Variants in DSCAM observed in about 807,000 individuals in gnomAD.
DSCAM encodes the protein cell adhesion molecule DSCAM.
A neutral mutation model predicts 217.7 loss-of-function variants in DSCAM; 47 were observed. The ratio of observed to expected loss-of-function variants is 0.22; its 90% CI spans 0.17 to 0.28. The LOEUF is 0.28. Ranked by LOEUF, DSCAM falls within the 10% of genes least tolerant of loss-of-function variation. The pLI is 1.00. For synonymous variants in DSCAM, 1,056 were observed against 1,015.3 expected (o/e 1.04, Z -0.76); for missense variants, 2,080 against 2,618.3 (o/e 0.79, Z 4.49).
chr21:40,765,487 T>G (rs575722892), intron 1 of DSCAM, among the ~76,000 whole-genome samples: 3 of 152,160 alleles, frequency 2.0e-5, no homozygotes, highest in African/African-American at 7.2e-5. Context: ...ATGACCACAG[T>G]GTGCAAGTGA....
chr21:40,647,209 C>T (rs2089958602), intron 3 of DSCAM, among the ~76,000 whole-genome samples: 1 of 152,202 alleles, frequency 6.6e-6, no homozygotes, highest in South Asian at 2.1e-4. Flanking sequence ...CTAATCATAG[C>T]TTACAAAGGC....
chr21:40,043,977 A>AGGAAGCAAGTAAGG, intron 31 of DSCAM, 101 bp downstream of exon 31: 2 of 1,183,176 alleles, frequency 1.7e-6, no homozygotes, highest in Non-Finnish European at 2.4e-6. Context: ...CATAAGTAAG[A>AGGAAGCAAGTAAGG]GGGAGGAAGC....
At chr21:40,383,967 T>G (rs2075054063) in intron 3 of DSCAM, 1 of 152,168 alleles carries the variant, frequency 6.6e-6, no homozygotes, top group Admixed American at 6.5e-5. Flanking sequence ...TTATACAGTG[T>G]TTCTTAGAGA....
intron 3 of DSCAM, among the ~76,000 whole-genome samples, chr21:40,527,396 G>C (rs148502140): frequency 7.0e-4 from 106 of 152,320 alleles, no homozygotes; most frequent in African/African-American, 2.5e-3. Context: ...CCAGCACTGA[G>C]TCTAAGCTTC....
At chr21:40,759,025 G>A (rs572460974) in intron 1 of DSCAM, among the ~76,000 whole-genome samples, 9 of 152,236 alleles carry the variant, frequency 5.9e-5, no homozygotes, top group South Asian at 2.1e-4. Flanking sequence ...ACAGGGATCC[G>A]GACTGCACAA....
At chr21:40,517,869 G>A (rs961645623) in intron 3 of DSCAM, among the ~76,000 whole-genome samples, 1 of 152,094 alleles carries the variant, frequency 6.6e-6, no homozygotes, top group African/African-American at 2.4e-5. Flanking sequence ...TGTTGCTGCT[G>A]CCTGTTCCTG....
chr21:40,160,197 A>G lies in DSCAM; in HGVS notation c.3018+7021T>C, dbSNP rs143066075. Among the ~76,000 whole-genome samples, 829 of 152,336 alleles carry G rather than the reference A, an allele frequency of 5.4e-3. 6 individuals are homozygous for G. The highest frequency in any genetic ancestry group is 0.013 in the South Asian group (61 of 4,822). ...CTACTTTCTTGGTTATGACATAATGAATAAAACACACAACTCAGAACTAGA... is the reference window on the plus strand; with the variant it reads ...CTACTTTCTTGGTTATGACATAATGGATAAAACACACAACTCAGAACTAGA... On this transcript the variant is annotated intron_variant, in intron 16 of 32. Coordinates refer to ENST00000400454, the MANE Select transcript of DSCAM (RefSeq NM_001389.5).
chr21:40,599,625 G>A (rs2077047499), intron 3 of DSCAM, among the ~76,000 whole-genome samples: 1 of 152,060 alleles, frequency 6.6e-6, no homozygotes, highest in Non-Finnish European at 1.5e-5. Context: ...AGAACTGAAG[G>A]AGATAGAGAC....
chr21:40,229,564 T>C (rs76139107), intron 11 of DSCAM, among the ~76,000 whole-genome samples: 2,119 of 152,322 alleles, frequency 0.014, 63 homozygotes, highest in African/African-American at 0.049. Flanking sequence ...CTGAACTCTA[T>C]TGTTTTGCCT....
intron 4 of DSCAM, among the ~76,000 whole-genome samples, chr21:40,365,710 T>C (rs960048985): frequency 6.6e-6 from 1 of 152,168 alleles, no homozygotes; most frequent in South Asian, 2.1e-4. Context: ...CTGTCCCTAC[T>C]GAAAAGGCAG....
intron 3 of DSCAM, among the ~76,000 whole-genome samples, chr21:40,682,432 C>T (rs1355931559): frequency 6.6e-6 from 1 of 150,722 alleles, no homozygotes; most frequent in African/African-American, 2.5e-5. Flanking sequence ...GGATACAAAC[C>T]AAAGGAGAGC....
intron 27 of DSCAM, among the ~76,000 whole-genome samples, chr21:40,070,405 GA>G: frequency 6.7e-6 from 1 of 149,126 alleles, no homozygotes; most frequent in African/African-American, 2.6e-5. Flanking sequence ...GAAAAGAAAA[GA>G]AAAGAAAAGA....
intron 16 of DSCAM, among the ~76,000 whole-genome samples, chr21:40,146,694 C>T (rs1223953555): frequency 6.6e-6 from 1 of 152,160 alleles, no homozygotes; most frequent in East Asian, 1.9e-4. Flanking sequence ...GTGAAACAGT[C>T]GCGTAAACCA....
At chr21:40,735,986 C>A (rs1395467095) in intron 1 of DSCAM, among the ~76,000 whole-genome samples, 1 of 152,096 alleles carries the variant, frequency 6.6e-6, no homozygotes, top group African/African-American at 2.4e-5. Flanking sequence ...CCCCAGGCTA[C>A]CCACACTTCA....
chr21:40,493,885 T>TAG (rs1568850975), intron 3 of DSCAM, among the ~76,000 whole-genome samples: 1 of 135,188 alleles, frequency 7.4e-6, no homozygotes, highest in Admixed American at 7.5e-5. Context: ...AAAAAATATA[T>TAG]ACATATATAT....
intron 3 of DSCAM, among the ~76,000 whole-genome samples, chr21:40,632,979 A>C (rs1380275463): frequency 1.3e-5 from 2 of 152,078 alleles, no homozygotes; most frequent in African/African-American, 2.4e-5. Context: ...GTCCTAAGAG[A>C]ATTTATTCTC....
intron 1 of DSCAM, among the ~76,000 whole-genome samples, chr21:40,838,666 A>G (rs923920113): frequency 6.6e-6 from 1 of 152,234 alleles, no homozygotes; most frequent in African/African-American, 2.4e-5. Context: ...ATACTAAAAG[A>G]GTCAAGGCTT....
intron 11 of DSCAM, among the ~76,000 whole-genome samples, chr21:40,232,063 A>G (rs958919710): frequency 1.3e-5 from 2 of 152,132 alleles, no homozygotes; most frequent in African/African-American, 4.8e-5. Context: ...TTACCCCACA[A>G]TGAATATAGT....
chr21:40,118,339 G>C (rs2089995849), intron 20 of DSCAM, among the ~76,000 whole-genome samples: 1 of 152,060 alleles, frequency 6.6e-6, no homozygotes, highest in African/African-American at 2.4e-5. Flanking sequence ...AGAAGACATT[G>C]CATTGGGAGG....
Sources: gnomAD v4.1 joint callset for allele counts (sites outside exome capture counted in the v4.1 genomes callset) on GRCh38, gnomAD v4.1.1 for gene constraint, MANE v1.5 for transcripts, NCBI Gene and HGNC (gene_info 2026-07-23, HGNC 2026-07-21) for gene names.